SOX5: variants seen among roughly 807,000 people sequenced by gnomAD.
SOX5 encodes transcription factor SOX-5.
In SOX5, 9 loss-of-function variants were observed where a neutral mutation model predicts 92.0. The ratio of observed to expected loss-of-function variants is 0.10; its 90% CI spans 0.06 to 0.17. The LOEUF is 0.17. SOX5 is among the 10% of genes least tolerant of loss of function. The pLI is 1.00. For missense variants in SOX5, 642 were observed against 944.5 expected (o/e 0.68, Z 4.20); for synonymous variants, 344 against 336.3 (o/e 1.02, Z -0.25).
intron 4 of SOX5, among the ~76,000 whole-genome samples, chr12:24,196,431 T>A (rs954499969): frequency 6.6e-6 from 1 of 152,166 alleles, no homozygotes; most frequent in Non-Finnish European, 1.5e-5. Context: ...AAATAAACTC[T>A]ATGGACAGGT....
intron 8 of SOX5, among the ~76,000 whole-genome samples, chr12:23,610,492 T>A (rs746038593): frequency 7.9e-5 from 12 of 152,084 alleles, no homozygotes; most frequent in Non-Finnish European, 1.5e-4. Flanking sequence ...TATCAGAAAA[T>A]TTTAAAAACA....
At chr12:23,755,783 A>C in intron 3 of SOX5, 59 bp from the exon 4 acceptor site, 16 of 1,121,764 alleles carry the variant, frequency 1.4e-5, no homozygotes, top group South Asian at 3.1e-5. Context: ...AATGGAGCTC[A>C]TTAAAAGTCT....
In SOX5 at chr12:23,529,883, T is replaced by C. The variant is rs1294828520; in HGVS notation, c.*4336A>G. On this transcript the variant is annotated 3_prime_UTR_variant, in exon 15 of 15. Transcript: ENST00000451604. ...TCTCTTTTCTATTTTTTTTCCATTT[T>C]TACTTGTAAAATCCAAAATATTAGA... 6.6e-6 allele frequency: 1 copy of C among 152,240 alleles called. No individual in the cohort carries two copies. The highest frequency in any genetic ancestry group is 2.1e-4 in the South Asian group (1 of 4,836). 9.4% of individuals were successfully genotyped at this position (152,240 alleles called of 1,614,324 possible). A position where few individuals can be genotyped will look rare whatever the true frequency, so the allele number is the denominator to read the frequency against.
intron 1 of SOX5, among the ~76,000 whole-genome samples, chr12:24,509,059 C>G (rs1306992312): frequency 6.6e-6 from 1 of 152,184 alleles, no homozygotes; most frequent in Non-Finnish European, 1.5e-5. Flanking sequence ...ACCTACTTTG[C>G]TCATCCTAAA....
In SOX5 at chr12:24,504,641, A is replaced by G. The variant is rs558602257; in HGVS notation, c.-251+57688T>C. The stretch of plus-strand genomic sequence containing the variant: ...AAGTGCAAAAATAGTAGAGAACTAT[A>G]TAAATAAATTGTATAGATAAACATT... On this transcript the variant is annotated intron_variant, in intron 1 of 4. Transcript: ENST00000446891. Among the ~76,000 whole-genome samples, 3 of 152,348 alleles carry G rather than the reference A, an allele frequency of 2.0e-5. No homozygotes were observed. The South Asian group carries it at 6.2e-4, about 32-fold the overall frequency.
intron 1 of SOX5, among the ~76,000 whole-genome samples, chr12:23,899,579 C>T (rs2097211631): frequency 6.6e-6 from 1 of 152,090 alleles, no homozygotes; most frequent in Non-Finnish European, 1.5e-5. Context: ...GCTAGGCTTA[C>T]CAATGAACAA....
intron 5 of SOX5, among the ~76,000 whole-genome samples, chr12:23,739,134 G>A (rs1159296749): frequency 3.3e-5 from 5 of 152,154 alleles, no homozygotes; most frequent in Non-Finnish European, 5.9e-5. Flanking sequence ...GTTTTACAGG[G>A]ATGTGTAGAC....
rs1451869465 is a variant in SOX5, at chr12:23,804,898, A to C, written c.481+41085T>G. 3.1e-5 allele frequency among the ~76,000 whole-genome samples: 4 copies of C among 129,102 alleles called. No individual in the cohort carries two copies. In the Admixed American group the frequency reaches 3.4e-4, roughly 11 times the overall value. 84.7% of individuals were successfully genotyped at this position (129,102 alleles called of 152,430 possible). A position where few individuals can be genotyped will look rare whatever the true frequency, so the allele number is the denominator to read the frequency against. ...TTTCCTGATATTTAACATTTTCTCT[A>C]TTTACCTATCATTGTTTTATATATA... On this transcript the variant is annotated intron_variant, in intron 3 of 14. Transcript: ENST00000451604.
chr12:24,351,243 T>C (rs562016935), intron 2 of SOX5, among the ~76,000 whole-genome samples: 11 of 152,292 alleles, frequency 7.2e-5, no homozygotes, highest in Admixed American at 1.3e-4. Flanking sequence ...TTAAAAAAAC[T>C]ATATAAACTT....
At chr12:23,716,267 G>C (rs1567184738) in intron 6 of SOX5, among the ~76,000 whole-genome samples, 1 of 152,118 alleles carries the variant, frequency 6.6e-6, no homozygotes. Context: ...CTGAAAGCTA[G>C]CATTCATTAT....
At chr12:24,107,292 A>G (rs1354468216) in intron 4 of SOX5, among the ~76,000 whole-genome samples, 1 of 152,212 alleles carries the variant, frequency 6.6e-6, no homozygotes, top group Non-Finnish European at 1.5e-5. Flanking sequence ...ATTAGTTAAT[A>G]AATACTTTCT....
In SOX5 at chr12:24,374,499, C is replaced by CCA. The variant is rs557572537; in HGVS notation, c.-250-5862_-250-5861dup. 2.0e-3 allele frequency among the ~76,000 whole-genome samples: 284 copies of CCA among 145,534 alleles called. 2 individuals carry two copies. Among genetic ancestry groups the CCA allele is most frequent in the Middle Eastern group, 0.011 (3 of 282 alleles). ...GCTCTGTTCTGCCCTCTCCAGACCA[C>CCA]CACACACACACACACATACACACAC... On this transcript the variant is annotated intron_variant, in intron 1 of 4. Transcript: ENST00000446891.
intron 1 of SOX5, among the ~76,000 whole-genome samples, chr12:24,492,432 A>C (rs1947186920): frequency 6.6e-6 from 1 of 152,190 alleles, no homozygotes; most frequent in Admixed American, 6.5e-5. Context: ...TGATACTTCT[A>C]TCTTGGGAAG....
intron 3 of SOX5, among the ~76,000 whole-genome samples, chr12:23,814,471 G>C (rs1475259871): frequency 6.6e-6 from 1 of 152,220 alleles, no homozygotes; most frequent in African/African-American, 2.4e-5. Flanking sequence ...AATACTGGAA[G>C]TGAGGAAACT....
At chr12:24,418,350 T>C (rs910829736) in intron 1 of SOX5, among the ~76,000 whole-genome samples, 1 of 152,222 alleles carries the variant, frequency 6.6e-6, no homozygotes, top group Non-Finnish European at 1.5e-5. Flanking sequence ...TTGCCAGTGA[T>C]TGGTTGTAAA....
intron 6 of SOX5, among the ~76,000 whole-genome samples, chr12:23,717,926 G>T (rs2092602079): frequency 6.6e-6 from 1 of 152,132 alleles, no homozygotes. Flanking sequence ...TTCTTGATGA[G>T]ATTTTTCCTT....
chr12:24,346,714 G>A (rs1372969196), intron 2 of SOX5, among the ~76,000 whole-genome samples: 2 of 152,108 alleles, frequency 1.3e-5, no homozygotes, highest in Non-Finnish European at 2.9e-5. Flanking sequence ...GCCTCCCAAA[G>A]TGCTCGGATT....
chr12:23,888,588 G>T (rs1287019147), intron 2 of SOX5, among the ~76,000 whole-genome samples: 1 of 152,102 alleles, frequency 6.6e-6, no homozygotes, highest in African/African-American at 2.4e-5. Flanking sequence ...ATGGCAACAG[G>T]ACAAAATGAT....
chr12:23,533,225 A>ATTAT lies in SOX5; in HGVS notation c.*990_*993dup, dbSNP rs1241738754. The ATTAT allele has an allele frequency of 2.2e-6, 1 of 455,792 alleles. No individual in the cohort carries two copies. The highest frequency in any genetic ancestry group is 4.4e-6 in the Non-Finnish European group (1 of 226,372). 28.2% of individuals were successfully genotyped at this position (455,792 alleles called of 1,614,324 possible). A position where few individuals can be genotyped will look rare whatever the true frequency, so the allele number is the denominator to read the frequency against. On this transcript the variant is annotated 3_prime_UTR_variant, in exon 15 of 15. Transcript: ENST00000451604. The stretch of plus-strand genomic sequence containing the variant: ...CTCACAATGGTCCAACGTTATTCCT[A>ATTAT]TTATTAGTACCATAATCACATACAT...
Sources: gnomAD v4.1 joint callset for allele counts (sites outside exome capture counted in the v4.1 genomes callset) on GRCh38, gnomAD v4.1.1 for gene constraint, MANE v1.5 for transcripts, NCBI Gene and HGNC (gene_info 2026-07-23, HGNC 2026-07-21) for gene names.